Variants in VWA8 observed in about 807,000 individuals in gnomAD.
VWA8 encodes the protein von Willebrand factor A domain containing 8.
A neutral mutation model predicts 241.5 loss-of-function variants in VWA8; 221 were observed. That is an observed-to-expected ratio of 0.91 (90% CI 0.82 to 1.02). VWA8 has a LOEUF of 1.02. VWA8 is among the 50% of genes least tolerant of loss of function. The pLI, the probability that VWA8 is intolerant of heterozygous loss-of-function variation, is 0.00. For synonymous variants in VWA8, 852 were observed against 827.1 expected (o/e 1.03, Z -0.52); for missense variants, 2,322 against 2,328.7 (o/e 1.00, Z 0.06).
At chr13:41,866,851 G>A (rs1873336261) in intron 10 of VWA8, among the ~76,000 whole-genome samples, 1 of 152,090 alleles carries the variant, frequency 6.6e-6, no homozygotes, top group South Asian at 2.1e-4. Context: ...ACCACTGAGA[G>A]GCATCTGTTC....
intron 20 of VWA8, among the ~76,000 whole-genome samples, chr13:41,764,481 G>C (rs1477870199): frequency 6.6e-6 from 1 of 152,130 alleles, no homozygotes; most frequent in Admixed American, 6.6e-5. Context: ...TAGTCTAGTA[G>C]GGAACACAGA....
chr13:41,771,530 C>G (rs1046580596), intron 20 of VWA8, among the ~76,000 whole-genome samples: 4 of 152,186 alleles, frequency 2.6e-5, no homozygotes, highest in South Asian at 2.1e-4. Flanking sequence ...TCTCAAAACA[C>G]ATGTATTCTT....
intron 14 of VWA8, among the ~76,000 whole-genome samples, chr13:41,827,683 G>C (rs1032914502): frequency 2.0e-5 from 3 of 152,174 alleles, no homozygotes; most frequent in African/African-American, 7.2e-5. Flanking sequence ...GTGACCTCTG[G>C]AAATAGAGCT....
At chr13:41,580,426 T>A (rs1775069151) in intron 42 of VWA8, among the ~76,000 whole-genome samples, 1 of 152,252 alleles carries the variant, frequency 6.6e-6, no homozygotes, top group Non-Finnish European at 1.5e-5. Context: ...GGAAAGAGAT[T>A]AATTGCAGAT....
At chr13:41,954,059 A>G (rs1878251816) in intron 1 of VWA8, among the ~76,000 whole-genome samples, 2 of 152,218 alleles carry the variant, frequency 1.3e-5, no homozygotes. Flanking sequence ...TATGACATTC[A>G]TATGGACCAG....
At position 41,690,286 on chromosome 13, in the gene VWA8, A is replaced by G. The variant is rs2137816276; in HGVS notation, c.3867-11T>C. The G allele has an allele frequency of 1.2e-6, 2 of 1,601,392 alleles. No individual in the cohort carries two copies. The highest frequency in any genetic ancestry group is 2.2e-5 in the East Asian group (1 of 44,608). ...GTTAAAAGATATTTCCTGCAAACAA[A>G]CAAAACATCTAGCTTAAGTGAAATT... On this transcript the variant is annotated splice_polypyrimidine_tract_variant and intron_variant, in intron 32 of 44. Coordinates refer to ENST00000379310, the MANE Select transcript of VWA8 (RefSeq NM_015058.2).
intron 37 of VWA8, among the ~76,000 whole-genome samples, chr13:41,636,546 G>A (rs1355655908): frequency 6.6e-6 from 1 of 152,108 alleles, no homozygotes; most frequent in African/African-American, 2.4e-5. Context: ...AACACCAAAA[G>A]CAATGGCAAC....
intron 12 of VWA8, among the ~76,000 whole-genome samples, chr13:41,834,334 C>T (rs777195847): frequency 8.5e-5 from 13 of 152,150 alleles, no homozygotes; most frequent in African/African-American, 2.4e-4. Flanking sequence ...ACATTTTGTG[C>T]GACTTATAGC....
At position 41,882,328 on chromosome 13, in the gene VWA8, C is replaced by T. The variant is rs905401687; in HGVS notation, c.1080+1059G>A. On this transcript the variant is annotated intron_variant, in intron 9 of 44. Coordinates refer to ENST00000379310, the MANE Select transcript of VWA8 (RefSeq NM_015058.2). ...GCTCCTCACTTTCCAGACTGGGCAG[C>T]CAGGCAGAGGGGCTCCTCACGTCCC... 6.5e-3 allele frequency among the ~76,000 whole-genome samples: 976 copies of T among 151,172 alleles called. 7 individuals carry two copies. The highest frequency in any genetic ancestry group is 0.022 in the African/African-American group (913 of 41,152).
chr13:41,571,738 T>C (rs1445948938), intron 43 of VWA8, among the ~76,000 whole-genome samples: 1 of 152,196 alleles, frequency 6.6e-6, no homozygotes, highest in African/African-American at 2.4e-5. Context: ...CCTCCCAAAG[T>C]GCCGAGATTG....
intron 14 of VWA8, among the ~76,000 whole-genome samples, chr13:41,824,878 G>A (rs1456118775): frequency 6.6e-6 from 1 of 151,206 alleles, no homozygotes; most frequent in Admixed American, 6.6e-5. Context: ...AGGAGGGAAG[G>A]GGACCGGAGG....
intron 35 of VWA8, among the ~76,000 whole-genome samples, chr13:41,682,608 T>C (rs147701497): frequency 6.6e-6 from 1 of 152,144 alleles, no homozygotes; most frequent in Non-Finnish European, 1.5e-5. Context: ...ATTAGCCAGA[T>C]GTGGTGGCAT....
chr13:41,750,933 A>G (rs560188223), intron 21 of VWA8, among the ~76,000 whole-genome samples: 29 of 151,840 alleles, frequency 1.9e-4, no homozygotes, highest in Non-Finnish European at 3.8e-4. Flanking sequence ...TGGTTAGAAC[A>G]CAGGGCTGAA....
chr13:41,571,347 G>A (rs928780110), intron 43 of VWA8, among the ~76,000 whole-genome samples: 2 of 104,510 alleles, frequency 1.9e-5, no homozygotes, highest in Non-Finnish European at 4.0e-5. Flanking sequence ...TCCCTCTCCC[G>A]TCTCCCTCTC....
At chr13:41,896,774 A>G (rs1432352918) in intron 4 of VWA8, among the ~76,000 whole-genome samples, 1 of 152,194 alleles carries the variant, frequency 6.6e-6, no homozygotes, top group Non-Finnish European at 1.5e-5. Flanking sequence ...AGTAAGATTA[A>G]GATGAAACCA....
chr13:41,694,483 TAAG>T (rs1054297372), intron 29 of VWA8, among the ~76,000 whole-genome samples: 2 of 152,036 alleles, frequency 1.3e-5, no homozygotes, highest in African/African-American at 4.8e-5. Flanking sequence ...AATTAACATA[TAAG>T]AAGTGTCATT....
At chr13:41,736,962 G>T (rs1284334709) in intron 21 of VWA8, among the ~76,000 whole-genome samples, 1 of 150,212 alleles carries the variant, frequency 6.7e-6, no homozygotes, top group South Asian at 2.1e-4. Flanking sequence ...TCCTGCCTCA[G>T]CCTCCAGAAG....
At chr13:41,724,074 A>T (rs2045413223) in intron 24 of VWA8, among the ~76,000 whole-genome samples, 2 of 152,262 alleles carry the variant, frequency 1.3e-5, no homozygotes, top group Middle Eastern at 6.8e-3. Flanking sequence ...AGAGTGACTA[A>T]CTGTATCAAC....
In VWA8 at chr13:41,833,490, A is replaced by C. The variant is rs1226389573; in HGVS notation, c.1467T>G (p.Leu489=). 3 of 1,613,794 alleles carry C rather than the reference A, an allele frequency of 1.9e-6. No homozygotes were observed. The highest frequency in any genetic ancestry group is 1.7e-5 in the Admixed American group (1 of 59,928). ...ARDLLQQRYT[L]PNGDTAWRSS... ...ACCGCCAGGCAGTGTCTCCATTTGG[A>C]AGGGTGTATCTCTGCTGTAGCAGAT... Residue 489 remains leucine (L), a synonymous_variant, in exon 13 of 45, where the codon CTT becomes CTG. Coordinates refer to ENST00000379310, the MANE Select transcript of VWA8 (RefSeq NM_015058.2).
Sources: allele counts gnomAD v4.1 joint callset (sites outside exome capture counted in the v4.1 genomes callset), GRCh38; gene constraint gnomAD v4.1.1; transcripts MANE v1.5; gene names NCBI Gene and HGNC (gene_info 2026-07-23, HGNC 2026-07-21).